The following PSTPIP1 variants were observed in gnomAD, a reference collection of about 807,000 sequenced individuals.
PSTPIP1 encodes proline-serine-threonine phosphatase interacting protein 1.
In PSTPIP1, 66 loss-of-function variants were observed where a neutral mutation model predicts 69.6. The observed-to-expected ratio is 0.95, with a 90% CI of 0.78 to 1.16. The LOEUF (loss-of-function observed/expected upper bound fraction) is 1.16, where lower values mean the gene tolerates loss of function less well. Ranked by LOEUF, PSTPIP1 falls within the 50% of genes most tolerant of loss-of-function variation. The pLI is 0.00. For synonymous variants in PSTPIP1, 266 were observed against 222.7 expected (o/e 1.19, Z -1.73); for missense variants, 603 against 557.4 (o/e 1.08, Z -0.82).
At chr15:77,031,046 ACT>A (rs1348030600) in intron 9 of PSTPIP1, 132 bp from the exon 10 acceptor site, 19 of 826,184 alleles carry the variant, frequency 2.3e-5, no homozygotes, top group Admixed American at 6.9e-5. Flanking sequence ...ACCCCAGGGC[ACT>A]CTCTCCTTTG....
At chr15:76,997,314 A>G (rs535969237) in intron 1 of PSTPIP1, among the ~76,000 whole-genome samples, 1 of 152,336 alleles carries the variant, frequency 6.6e-6, no homozygotes, top group African/African-American at 2.4e-5. Flanking sequence ...AGGGGAGAGA[A>G]GTAGCCAGTG....
chr15:77,018,643 A>G (rs1260711410), intron 3 of PSTPIP1, 112 bp downstream of exon 3: 11 of 1,168,444 alleles, frequency 9.4e-6, no homozygotes, highest in Non-Finnish European at 1.3e-5. Context: ...GAACCAGGGT[A>G]GGTCTGGATT....
chr15:77,035,466 T>C (rs1346368415), intron 12 of PSTPIP1, 42 bp from the exon 13 acceptor site: 1 of 1,553,916 alleles, frequency 6.4e-7, no homozygotes, highest in South Asian at 1.2e-5. Context: ...GGTCCCTGAG[T>C]GTGGGGCGGG....
At chr15:76,994,815 G>C, upstream of PSTPIP1, 1 of 1,289,116 alleles carries the variant, frequency 7.8e-7, no homozygotes, top group South Asian at 1.2e-5. Flanking sequence ...CCTAGACCTG[G>C]GTAAGCCCCT....
At position 77,037,372 on chromosome 15, in the gene PSTPIP1, C is replaced by T. The variant is rs2076607192; in HGVS notation, c.*196C>T. On this transcript the variant is annotated 3_prime_UTR_variant, in exon 15 of 15. Coordinates refer to ENST00000558012, the MANE Select transcript of PSTPIP1 (RefSeq NM_003978.5). ...GTCCCGTTCTCTTTTTCTCCTGCTCCAGTGTCCGAGTGCTCAGTTCAGAGG... is the reference window on the plus strand; with the variant it reads ...GTCCCGTTCTCTTTTTCTCCTGCTCTAGTGTCCGAGTGCTCAGTTCAGAGG... 3.0e-6 allele frequency: 2 copies of T among 664,276 alleles called. No individual in the cohort carries two copies. Among genetic ancestry groups the T allele is most frequent in the Non-Finnish European group, 2.4e-6 (1 of 422,346 alleles). The allele number at this position is 664,276 out of a possible 1,614,324, so 41.1% of individuals were successfully genotyped here. A position where few individuals can be genotyped will look rare whatever the true frequency, so the allele number is the denominator to read the frequency against.
At chr15:77,033,573 GC>G (rs1436899197) in intron 12 of PSTPIP1, among the ~76,000 whole-genome samples, 1 of 152,148 alleles carries the variant, frequency 6.6e-6, no homozygotes, top group African/African-American at 2.4e-5. Context: ...GAGGCCATGT[GC>G]CCTGTGAGCA....
intron 1 of PSTPIP1, among the ~76,000 whole-genome samples, chr15:77,001,898 G>A (rs553345339): frequency 1.3e-5 from 2 of 152,290 alleles, no homozygotes; most frequent in African/African-American, 2.4e-5. Context: ...GAGGCTGAGC[G>A]GCTGTGAACG....
intron 1 of PSTPIP1, among the ~76,000 whole-genome samples, chr15:77,004,633 C>T (rs1258184018): frequency 6.6e-6 from 1 of 151,178 alleles, no homozygotes; most frequent in Admixed American, 6.6e-5. Flanking sequence ...GTGGGAAGAT[C>T]ACTTGAACCC....
intron 10 of PSTPIP1, 24 bp downstream of exon 10, chr15:77,031,302 G>T (rs751107350): frequency 6.2e-7 from 1 of 1,608,504 alleles, no homozygotes; most frequent in Non-Finnish European, 8.5e-7. Flanking sequence ...GCCTTGGTGT[G>T]GGGTAAGGTA....
rs145344175 is a variant in PSTPIP1, at chr15:77,037,069, G to T, written c.1144G>T (p.Ala382Ser). ...GAACCCAGATGAGCTGGACCTGTCC[G>T]CGGGAGACATCCTGGAGGTGATCCT... ...AQNPDELDLS[A>S]GDILEVILEG... Residue 382 changes from alanine (A) to serine (S), a missense_variant, in exon 15 of 15, where the codon GCG becomes TCG. Ala to Ser is a moderately conservative substitution (Grantham distance 99). Transcript: ENST00000558012. 8.1e-6 allele frequency: 13 copies of T among 1,612,138 alleles called. No individual in the cohort carries two copies. Among genetic ancestry groups the T allele is most frequent in the Non-Finnish European group, 1.0e-5 (12 of 1,179,638 alleles).
intron 1 of PSTPIP1, among the ~76,000 whole-genome samples, chr15:77,002,065 C>T (rs2075720750): frequency 6.6e-6 from 1 of 152,226 alleles, no homozygotes; most frequent in Non-Finnish European, 1.5e-5. Flanking sequence ...TTACATCATC[C>T]CCTGAGGAGC....
chr15:77,035,700 A>AG, intron 13 of PSTPIP1, 102 bp from the exon 14 acceptor site: 1 of 1,483,424 alleles, frequency 6.7e-7, no homozygotes, highest in Non-Finnish European at 9.0e-7. Context: ...GGACAGCAGA[A>AG]GGAAGAGGCA....
At chr15:77,033,097 T>A (rs2076462794) in intron 12 of PSTPIP1, 145 bp downstream of exon 12, 1 of 805,314 alleles carries the variant, frequency 1.2e-6, no homozygotes, top group Admixed American at 2.4e-5. Context: ...GGGCACTCTG[T>A]GGAGACAAGA....
chr15:77,028,429 G>A lies in PSTPIP1; in HGVS notation c.418-125G>A. On this transcript the variant is annotated intron_variant, in intron 6 of 14. Coordinates refer to ENST00000558012, the MANE Select transcript of PSTPIP1 (RefSeq NM_003978.5). ...CCCCCAGATCCCTGTCCCTGGTGAGGATGCCCCCACTCCACCCGCAACCCT... is the reference window on the plus strand; with the variant it reads ...CCCCCAGATCCCTGTCCCTGGTGAGAATGCCCCCACTCCACCCGCAACCCT... The A allele has an allele frequency of 4.2e-6, 3 of 713,636 alleles. No homozygotes were observed. In the South Asian group the frequency reaches 6.2e-5, roughly 15 times the overall value. 44.2% of individuals were successfully genotyped at this position (713,636 alleles called of 1,614,324 possible).
chr15:77,032,568 C>A, intron 11 of PSTPIP1, 174 bp downstream of exon 11: 1 of 680,288 alleles, frequency 1.5e-6, no homozygotes, highest in Non-Finnish European at 2.5e-6. Context: ...TGCCTCCTCT[C>A]AGGCAAAGCT....
chr15:77,008,514 A>G (rs1455975486), intron 1 of PSTPIP1, among the ~76,000 whole-genome samples: 1 of 152,030 alleles, frequency 6.6e-6, no homozygotes, highest in Non-Finnish European at 1.5e-5. Flanking sequence ...GGCTCAAGCA[A>G]TTATCCTGCC....
chr15:77,025,697 A>AT, intron 5 of PSTPIP1, 93 bp downstream of exon 5: 1 of 474,154 alleles, frequency 2.1e-6, no homozygotes, highest in Non-Finnish European at 3.8e-6. Flanking sequence ...TGGTAGAGCC[A>AT]GTGGAGGGCG....
At chr15:77,009,849 C>G (rs2075897264) in intron 1 of PSTPIP1, among the ~76,000 whole-genome samples, 1 of 152,200 alleles carries the variant, frequency 6.6e-6, no homozygotes, top group African/African-American at 2.4e-5. Flanking sequence ...TGGGCCTGTC[C>G]TCCCCTGGGA....
chr15:77,000,476 T>TAGATATATATATATAC (rs1033258180), intron 1 of PSTPIP1, among the ~76,000 whole-genome samples: 4 of 146,792 alleles, frequency 2.7e-5, no homozygotes, highest in African/African-American at 1.0e-4. Flanking sequence ...TATATATATA[T>TAGATATATATATATAC]ACACACACAC....
Sources: gnomAD v4.1 joint callset for allele counts (sites outside exome capture counted in the v4.1 genomes callset) on GRCh38, gnomAD v4.1.1 for gene constraint, MANE v1.5 for transcripts, NCBI Gene and HGNC (gene_info 2026-07-23, HGNC 2026-07-21) for gene names.